The following CTIF variants were observed in gnomAD, a reference collection of about 807,000 sequenced individuals.
CTIF encodes CBP80/20-dependent translation initiation factor.
Under a neutral mutation model 66.0 loss-of-function variants are expected in CTIF, and 21 were observed. The observed-to-expected ratio is 0.32, with a 90% CI of 0.23 to 0.46. CTIF has a LOEUF of 0.46. Ranked by LOEUF, CTIF falls within the 20% of genes least tolerant of loss-of-function variation. The pLI is 1.00. For missense variants in CTIF, 739 were observed against 812.7 expected, an observed-to-expected ratio of 0.91 and a Z score of 1.10; for synonymous variants, 345 against 326.4, an observed-to-expected ratio of 1.06 and a Z score of -0.62.
intron 9 of CTIF, among the ~76,000 whole-genome samples, chr18:48,808,464 C>G (rs1441704998): frequency 2.7e-5 from 4 of 150,540 alleles, no homozygotes; most frequent in Non-Finnish European, 5.9e-5. Flanking sequence ...GAAAGCCCCC[C>G]TCCTTCCAGA....
chr18:48,664,355 T>C, intron 4 of CTIF, 92 bp from the exon 5 acceptor site: 1 of 1,152,928 alleles, frequency 8.7e-7, no homozygotes, highest in Admixed American at 1.7e-5. Context: ...TCTGCGGATC[T>C]GCTCTGCCAG....
In CTIF at chr18:48,663,815, G is replaced by C; in HGVS notation, c.316G>C (p.Asp106His). The part of the protein sequence containing the change: ...GTDIWAANTF[D>H]SFSGATWDLQ... ...GGACATCTGGGCGGCCAACACCTTC[G>C]ATTCCTTCAGGTAACCTCCTCCTCC... Residue 106 changes from aspartate (D) to histidine (H), a missense_variant, in exon 4 of 12, where the codon GAT becomes CAT. Transcript: ENST00000256413. 1 of 1,614,092 alleles carries C rather than the reference G, an allele frequency of 6.2e-7. No homozygotes were observed. Among genetic ancestry groups the C allele is most frequent in the Non-Finnish European group, 8.5e-7 (1 of 1,179,950 alleles).
intron 3 of CTIF, among the ~76,000 whole-genome samples, chr18:48,658,126 G>A (rs1178000913): frequency 6.6e-6 from 1 of 152,146 alleles, no homozygotes; most frequent in African/African-American, 2.4e-5. Context: ...ACACATGTAT[G>A]TGTATGTGTG....
At chr18:48,572,152 CCTTT>C (rs1029727254) in intron 1 of CTIF, among the ~76,000 whole-genome samples, 78 of 152,142 alleles carry the variant, frequency 5.1e-4, no homozygotes, top group African/African-American at 1.9e-3. Context: ...CTCCTTCCTT[CCTTT>C]CTTCTTGAAA....
intron 7 of CTIF, among the ~76,000 whole-genome samples, chr18:48,725,949 T>C (rs957481368): frequency 6.6e-6 from 1 of 152,088 alleles, no homozygotes; most frequent in Non-Finnish European, 1.5e-5. Flanking sequence ...GGTGGTCCTT[T>C]GAGAATGCTG....
chr18:48,557,032 G>T (rs1197420109), intron 1 of CTIF, among the ~76,000 whole-genome samples: 1 of 152,184 alleles, frequency 6.6e-6, no homozygotes, highest in Non-Finnish European at 1.5e-5. Context: ...TCTCTGGAAA[G>T]GATGGCTGTT....
chr18:48,560,931 T>C (rs2089144435), intron 1 of CTIF, among the ~76,000 whole-genome samples: 1 of 152,076 alleles, frequency 6.6e-6, no homozygotes, highest in Admixed American at 6.5e-5. Flanking sequence ...TGCAGTCTTT[T>C]GTGGAGGAGT....
intron 9 of CTIF, among the ~76,000 whole-genome samples, chr18:48,763,619 A>G (rs1234467599): frequency 6.6e-6 from 1 of 152,234 alleles, no homozygotes. Flanking sequence ...ACAGCAGGGA[A>G]GAAAACACAA....
At chr18:48,822,019 G>A (rs921824698) in intron 10 of CTIF, among the ~76,000 whole-genome samples, 38 of 152,186 alleles carry the variant, frequency 2.5e-4, no homozygotes, top group African/African-American at 6.0e-4. Flanking sequence ...ACCACTATTC[G>A]TTGCTTCTTT....
intron 2 of CTIF, among the ~76,000 whole-genome samples, chr18:48,632,799 C>G (rs953831746): frequency 1.3e-5 from 2 of 152,152 alleles, no homozygotes; most frequent in African/African-American, 2.4e-5. Context: ...GTCCCCACCC[C>G]CCTCTCATTG....
chr18:48,607,369 C>T (rs1159506715), intron 1 of CTIF, among the ~76,000 whole-genome samples: 1 of 152,198 alleles, frequency 6.6e-6, no homozygotes, highest in African/African-American at 2.4e-5. Context: ...ATGAGGGCTC[C>T]CTGGCAGAAG....
At chr18:48,553,120 T>C (rs78497832) in intron 1 of CTIF, among the ~76,000 whole-genome samples, 2 of 152,170 alleles carry the variant, frequency 1.3e-5, no homozygotes, top group Non-Finnish European at 2.9e-5. Flanking sequence ...TGGCCATTCA[T>C]TCCTTCCCTA....
At chr18:48,744,870 T>C (rs2145775003) in intron 7 of CTIF, among the ~76,000 whole-genome samples, 1 of 151,758 alleles carries the variant, frequency 6.6e-6, no homozygotes. Context: ...TTGCCCAGGC[T>C]GGAGTGCAGT....
At chr18:48,679,274 T>TA (rs1225439513) in intron 6 of CTIF, among the ~76,000 whole-genome samples, 1 of 152,220 alleles carries the variant, frequency 6.6e-6, no homozygotes, top group Non-Finnish European at 1.5e-5. Flanking sequence ...CTGTTCAACT[T>TA]ACGTTGCAAA....
Position 48,681,931 on chromosome 18 carries a change from G to A in CTIF, c.507+11187G>A, listed in dbSNP as rs560385068. Among the ~76,000 whole-genome samples, 46 of 152,154 alleles carry A rather than the reference G, an allele frequency of 3.0e-4. 1 individual carries two copies. The highest frequency in any genetic ancestry group is 6.3e-4 in the African/African-American group (26 of 41,510). ...CTCCCAAGTAGCTAGGATTACAGGC[G>A]CGTGCCACCACACCCGGCTAATTTT... is the stretch of plus-strand genomic sequence containing the variant. On this transcript the variant is annotated intron_variant, in intron 6 of 11. Transcript: ENST00000256413.
rs533845712 is a variant in CTIF at position 48,638,619 on chromosome 18, G to A, written c.252+1934G>A. Among the ~76,000 whole-genome samples, 21 of 152,336 alleles carry A rather than the reference G, an allele frequency of 1.4e-4. No individual in the cohort carries two copies. The East Asian group carries it at 4.1e-3, about 29-fold the overall frequency. ...TGGAGCAGGGCTGGGGGCTTGTGGA[G>A]TGGGGTTAGGTATGGGCTTGTCCCT... is the stretch of plus-strand genomic sequence containing the variant. On this transcript the variant is annotated intron_variant, in intron 3 of 11. Transcript: ENST00000256413.
chr18:48,792,431 G>T (rs1015764486), intron 9 of CTIF, among the ~76,000 whole-genome samples: 7 of 152,206 alleles, frequency 4.6e-5, no homozygotes, highest in Admixed American at 4.6e-4. Context: ...GGCAAGGTCT[G>T]ACCTGAGTTT....
intron 5 of CTIF, among the ~76,000 whole-genome samples, chr18:48,669,793 TTATATATATATATATATATATATATA>T (rs57715945): frequency 0.016 from 740 of 47,270 alleles, 57 homozygotes; most frequent in African/African-American, 0.058. Context: ...AGCTAAACAT[TTATATATATATATATATATATATATA>T]TATATATATA....
chr18:48,617,655 G>A (rs2090422737), intron 1 of CTIF, among the ~76,000 whole-genome samples: 1 of 152,184 alleles, frequency 6.6e-6, no homozygotes, highest in Admixed American at 6.5e-5. Flanking sequence ...AGAGGCAATG[G>A]ACAGTACCTC....
Sources: gnomAD v4.1 joint callset for allele counts (sites outside exome capture counted in the v4.1 genomes callset) on GRCh38, gnomAD v4.1.1 for gene constraint, MANE v1.5 for transcripts, NCBI Gene and HGNC (gene_info 2026-07-23, HGNC 2026-07-21) for gene names.